ATXN10: variants seen among roughly 807,000 people sequenced by gnomAD.
ATXN10 encodes ataxin-10.
Under a neutral mutation model 52.9 loss-of-function variants are expected in ATXN10, and 28 were observed. The ratio of observed to expected loss-of-function variants is 0.53; its 90% confidence interval spans 0.39 to 0.73. The LOEUF is 0.73. Ranked by LOEUF, ATXN10 falls within the 30% of genes least tolerant of loss-of-function variation. ATXN10 has a pLI of 0.00. For missense variants in ATXN10, 565 were observed against 577.0 expected (o/e 0.98, Z 0.21); for synonymous variants, 226 against 221.5 (o/e 1.02, Z -0.18).
intron 1 of ATXN10, among the ~76,000 whole-genome samples, chr22:45,682,274 T>C (rs1048206493): frequency 6.6e-6 from 1 of 152,160 alleles, no homozygotes; most frequent in Admixed American, 6.5e-5. Flanking sequence ...GTGGCTTTAA[T>C]AACTTCCGTT....
chr22:45,829,952 T>G (rs1396040207), intron 10 of ATXN10, among the ~76,000 whole-genome samples: 1 of 152,194 alleles, frequency 6.6e-6, no homozygotes, highest in African/African-American at 2.4e-5. Flanking sequence ...AGACTCACAC[T>G]TCCTGATTTT....
chr22:45,678,175 TATA>T lies in ATXN10; in HGVS notation c.116+5999_116+6001del, dbSNP rs1177311225. 5 of 152,188 alleles carry T rather than the reference TATA, an allele frequency of 3.3e-5. No individual in the cohort carries two copies. The highest frequency in any genetic ancestry group is 3.3e-4 in the Admixed American group (5 of 15,262). The allele number at this position is 152,188 out of a possible 1,614,324, so 9.4% of individuals were successfully genotyped here. On this transcript the variant is annotated intron_variant, in intron 1 of 11. Transcript: ENST00000252934. The surrounding 1 kb of genome is among the most constrained non-coding windows in gnomAD (Gnocchi z 4.1). ...GGTGATAGTTGTACAACATTGTGAA[TATA>T]ATTAAAGCCATTGAACTGTAGACTT...
intron 9 of ATXN10, among the ~76,000 whole-genome samples, chr22:45,782,730 T>G (rs1927192662): frequency 1.3e-5 from 2 of 152,188 alleles, no homozygotes; most frequent in African/African-American, 4.8e-5. Flanking sequence ...GCGATACACG[T>G]AAGATTTGTG....
rs1371958328 is a variant in ATXN10 at position 45,770,568 on chromosome 22, A to G, written c.1173+30030A>G. Reference sequence around the variant, plus strand: ...TCTGAATGAGCTGGATGATAGGCAGACCTGGACTCTGGAGTCCTCCCAGAA... The same window carrying G: ...TCTGAATGAGCTGGATGATAGGCAGGCCTGGACTCTGGAGTCCTCCCAGAA... On this transcript the variant is annotated intron_variant, in intron 9 of 11. Coordinates refer to ENST00000252934, the MANE Select transcript of ATXN10 (RefSeq NM_013236.4). The surrounding 1 kb of genome is among the most constrained non-coding windows in gnomAD (Gnocchi z 4.5). Among the ~76,000 whole-genome samples, 1 of 150,456 alleles carries G rather than the reference A, an allele frequency of 6.6e-6. No homozygotes were observed. The highest frequency in any genetic ancestry group is 1.5e-5 in the Non-Finnish European group (1 of 66,848).
At chr22:45,676,884 ATCC>A (rs1230426928) in intron 1 of ATXN10, 2 of 152,326 alleles carry the variant, frequency 1.3e-5, no homozygotes, top group African/African-American at 4.8e-5. Context: ...GGCTCAAGCA[ATCC>A]TCCTGCCTCC....
chr22:45,773,710 G>C (rs113168008), intron 9 of ATXN10, among the ~76,000 whole-genome samples: 3 of 151,934 alleles, frequency 2.0e-5, no homozygotes, highest in Non-Finnish European at 4.4e-5. Flanking sequence ...TACCCACCTC[G>C]GCCTCCCAAA....
chr22:45,746,989 T>C (rs1001167971), intron 9 of ATXN10, among the ~76,000 whole-genome samples: 3 of 152,214 alleles, frequency 2.0e-5, no homozygotes, highest in Admixed American at 2.0e-4. Flanking sequence ...TCACTCAATT[T>C]TACTGTAGCA....
At position 45,843,907 on chromosome 22, in the gene ATXN10, G is replaced by A. The variant is rs1397460215; in HGVS notation, c.*236G>A. 1.0e-5 allele frequency: 6 copies of A among 575,202 alleles called. No individual in the cohort carries two copies. The highest frequency in any genetic ancestry group is 8.8e-5 in the East Asian group (3 of 34,268). The allele number at this position is 575,202 out of a possible 1,614,324, so 35.6% of individuals were successfully genotyped here. A position where few individuals can be genotyped will look rare whatever the true frequency, so the allele number is the denominator to read the frequency against. On this transcript the variant is annotated 3_prime_UTR_variant, in exon 12 of 12. Transcript: ENST00000252934. This position sits in a 1 kb window ranked among gnomAD's most constrained non-coding sequence, Gnocchi z 4.5. ...TTGCCTTTGTCCCCCTGGATAGAAC[G>A]TGCATTTAAAGAATATATTGTACTT... is the stretch of plus-strand genomic sequence containing the variant.
chr22:45,672,183 A>G lies in ATXN10; in HGVS notation c.116+4A>G, dbSNP rs1160067775. On this transcript the variant is annotated splice_donor_region_variant and intron_variant, in intron 1 of 11. Coordinates refer to ENST00000252934, the MANE Select transcript of ATXN10 (RefSeq NM_013236.4). ...TCTTCAAAGAGCAGCGGAACCGGTA[A>G]CGGGTCCGGCCGGGGGGCTGCCCCG... The G allele has an allele frequency of 6.5e-6, 10 of 1,528,600 alleles. No individual in the cohort carries two copies. Among genetic ancestry groups the G allele is most frequent in the Admixed American group, 2.0e-5 (1 of 50,412 alleles). The allele number at this position is 1,528,600 out of a possible 1,614,324, so 94.7% of individuals were successfully genotyped here. A position where few individuals can be genotyped will look rare whatever the true frequency, so the allele number is the denominator to read the frequency against.
Position 45,770,333 on chromosome 22 carries a change from G to A in ATXN10, c.1173+29795G>A, listed in dbSNP as rs1400599045. On this transcript the variant is annotated intron_variant, in intron 9 of 11. Coordinates refer to ENST00000252934, the MANE Select transcript of ATXN10 (RefSeq NM_013236.4). The surrounding 1 kb of genome is among the most constrained non-coding windows in gnomAD (Gnocchi z 4.5). ...CATAGTGAGAATTTTTTTAAAATGA[G>A]ACAGGATGAGGACACATTGTAATAA... Among the ~76,000 whole-genome samples, 1 of 152,152 alleles carries A rather than the reference G, an allele frequency of 6.6e-6. No individual in the cohort carries two copies. Among genetic ancestry groups the A allele is most frequent in the Non-Finnish European group, 1.5e-5 (1 of 68,036 alleles).
chr22:45,720,323 T>A (rs1924600884), intron 6 of ATXN10, among the ~76,000 whole-genome samples: 1 of 152,118 alleles, frequency 6.6e-6, no homozygotes, highest in Non-Finnish European at 1.5e-5. Flanking sequence ...AACCTTTTTT[T>A]TTTTTTTGGA....
chr22:45,800,273 C>G (rs1338917945), intron 9 of ATXN10, among the ~76,000 whole-genome samples: 1 of 152,184 alleles, frequency 6.6e-6, no homozygotes, highest in Non-Finnish European at 1.5e-5. Context: ...GAACCTCTTA[C>G]AACTCGATGA....
chr22:45,718,393 T>C lies in ATXN10; in HGVS notation c.648-20T>C. The C allele has an allele frequency of 6.3e-7, 1 of 1,595,708 alleles. No homozygotes were observed. The highest frequency in any genetic ancestry group is 8.6e-7 in the Non-Finnish European group (1 of 1,163,212). On this transcript the variant is annotated intron_variant, in intron 5 of 11. Coordinates refer to ENST00000252934, the MANE Select transcript of ATXN10 (RefSeq NM_013236.4). This position sits in a 1 kb window ranked among gnomAD's most constrained non-coding sequence, Gnocchi z 4.4. The stretch of plus-strand genomic sequence containing the variant: ...TACTATGTTTCAAGTAACCAAACTT[T>C]CCTCCTCTTTTTTCCCTAGGTTCTT...
At chr22:45,743,382 G>A (rs1218529272) in intron 9 of ATXN10, among the ~76,000 whole-genome samples, 2 of 152,138 alleles carry the variant, frequency 1.3e-5, no homozygotes, top group Non-Finnish European at 2.9e-5. Flanking sequence ...TATTCTTGTA[G>A]CCAAATCCTT....
chr22:45,725,596 C>T (rs1478495787), intron 6 of ATXN10, among the ~76,000 whole-genome samples: 3 of 152,062 alleles, frequency 2.0e-5, no homozygotes, highest in African/African-American at 4.8e-5. Flanking sequence ...GGTATATGAT[C>T]GTATCATTGG....
At chr22:45,704,310 T>TA (rs150976871) in intron 5 of ATXN10, among the ~76,000 whole-genome samples, 3,614 of 143,286 alleles carry the variant, frequency 0.025, 149 homozygotes, top group African/African-American at 0.084. Flanking sequence ...TTCAATTTGT[T>TA]AAAAAAAAAA....
chr22:45,752,633 T>C (rs1195069323), intron 9 of ATXN10, among the ~76,000 whole-genome samples: 1 of 152,048 alleles, frequency 6.6e-6, no homozygotes, highest in Non-Finnish European at 1.5e-5. Context: ...CACGATGGGC[T>C]CTGCACTCAC....
intron 6 of ATXN10, among the ~76,000 whole-genome samples, chr22:45,725,956 AT>A (rs1382732568): frequency 6.6e-6 from 1 of 152,140 alleles, no homozygotes; most frequent in Non-Finnish European, 1.5e-5. Flanking sequence ...GATGAGTCAC[AT>A]TTACTTGGGT....
At chr22:45,792,107 T>G (rs530809532) in intron 9 of ATXN10, among the ~76,000 whole-genome samples, 3 of 152,114 alleles carry the variant, frequency 2.0e-5, no homozygotes, top group Admixed American at 6.5e-5. Context: ...CTTAGCACTA[T>G]CCTTTGCAAA....
Sources: gnomAD v4.1 joint callset for allele counts (sites outside exome capture counted in the v4.1 genomes callset) on GRCh38, gnomAD v4.1.1 for gene constraint, Gnocchi (gnomAD v3.1) non-coding constraint, MANE v1.5 for transcripts, NCBI Gene and HGNC (gene_info 2026-07-23, HGNC 2026-07-21) for gene names.